The following PCDHA12 variants were observed in gnomAD, a reference collection of about 807,000 sequenced individuals.
The protein encoded by PCDHA12 is protocadherin alpha-12.
Under a neutral mutation model 60.0 loss-of-function variants are expected in PCDHA12, and 44 were observed. That is an observed-to-expected ratio of 0.73 (90% CI 0.58 to 0.94). The LOEUF (loss-of-function observed/expected upper bound fraction) is 0.94, where lower values mean the gene tolerates loss of function less well. Among genes scored for constraint, PCDHA12 ranks in the 40% least tolerant of loss-of-function variants. The pLI is 0.00. For synonymous variants in PCDHA12, 569 were observed against 553.0 expected, an observed-to-expected ratio of 1.03 and a Z score of -0.40; for missense variants, 1,276 against 1,239.7, an observed-to-expected ratio of 1.03 and a Z score of -0.44.
At chr5:140,899,494 T>C (rs1387191802) in intron 1 of PCDHA12, among the ~76,000 whole-genome samples, 3 of 152,250 alleles carry the variant, frequency 2.0e-5, no homozygotes, top group Admixed American at 2.0e-4. Flanking sequence ...GGATTACATT[T>C]ATTGATTTGC....
rs542875982 is a variant in PCDHA12 at position 140,939,696 on chromosome 5, T to C, written c.2368-39253T>C. On this transcript the variant is annotated intron_variant, in intron 1 of 3. Coordinates refer to ENST00000398631, the MANE Select transcript of PCDHA12 (RefSeq NM_018903.4). Reference sequence around the variant, plus strand: ...TATGTATGTGTGTGTTGCTGGACATTATCATTTGTGAGATACATTTATATT... The same window carrying C: ...TATGTATGTGTGTGTTGCTGGACATCATCATTTGTGAGATACATTTATATT... Among the ~76,000 whole-genome samples the C allele has an allele frequency of 1.6e-4, 24 of 152,340 alleles. No homozygotes were observed. The East Asian group carries it at 2.7e-3, about 17-fold the overall frequency.
At chr5:140,935,908 T>TG (rs2090628873) in intron 1 of PCDHA12, among the ~76,000 whole-genome samples, 1 of 151,636 alleles carries the variant, frequency 6.6e-6, no homozygotes, top group Non-Finnish European at 1.5e-5. Context: ...TTTTTTTTTT[T>TG]TTGAGACAGA....
intron 1 of PCDHA12, among the ~76,000 whole-genome samples, chr5:140,976,091 C>CAACTTTTCAA (rs2096700073): frequency 6.6e-6 from 1 of 152,166 alleles, no homozygotes; most frequent in Non-Finnish European, 1.5e-5. Flanking sequence ...TATCAGTAGT[C>CAACTTTTCAA]AACTTTTCAA....
chr5:140,929,549 T>G, intron 1 of PCDHA12: 1 of 500,966 alleles, frequency 2.0e-6, no homozygotes, highest in Non-Finnish European at 3.3e-6. Context: ...GGGCAAAAAT[T>G]AAAACCTATT....
chr5:140,876,349 T>G lies in PCDHA12; in HGVS notation c.877T>G (p.Phe293Val), dbSNP rs781967314. Residue 293 changes from phenylalanine to valine, a missense_variant, in exon 1 of 4, where the codon TTT (phenylalanine) becomes GTT (valine). Transcript: ENST00000398631. ...MILPVSEKCM[F>V]SINPDTGEIR... is the part of the protein sequence containing the mutation. ...TTTGCCAGTGAGTGAGAAATGTATG[T>G]TTTCAATAAATCCAGACACAGGTGA... The G allele has an allele frequency of 3.2e-5, 52 of 1,613,894 alleles. No homozygotes were observed. In the South Asian group the frequency reaches 5.1e-4, roughly 16 times the overall value.
chr5:140,877,224 G>C lies in PCDHA12; in HGVS notation c.1752G>C (p.Ser584=), dbSNP rs986695805. The C allele has an allele frequency of 3.7e-6, 6 of 1,613,712 alleles. No individual in the cohort carries two copies. The highest frequency in any genetic ancestry group is 1.7e-5 in the Admixed American group (1 of 59,998). ...CAGTTAGCGAGTTGGTACCGCGGTC[G>C]GTGGGTGCGGGCCACGTGGTGGCGA... ...GGAVSELVPR[S]VGAGHVVAKV... is the part of the protein sequence containing the mutation. Residue 584 remains serine (S), a synonymous_variant, in exon 1 of 4, where the codon TCG becomes TCC. Transcript: ENST00000398631.
intron 1 of PCDHA12, among the ~76,000 whole-genome samples, chr5:140,963,504 G>T (rs1044640224): frequency 4.6e-5 from 7 of 152,222 alleles, no homozygotes; most frequent in Admixed American, 1.3e-4. Flanking sequence ...CAAATCTCTT[G>T]AAGGGGTTCT....
intron 1 of PCDHA12, among the ~76,000 whole-genome samples, chr5:140,908,412 T>G (rs2073956005): frequency 6.6e-6 from 1 of 152,212 alleles, no homozygotes; most frequent in South Asian, 2.1e-4. Context: ...TTCCATTTGA[T>G]GATGGAATGC....
chr5:140,946,611 A>AATATATATATATATATATATATAT (rs1554217734), intron 1 of PCDHA12, among the ~76,000 whole-genome samples: 1,222 of 86,096 alleles, frequency 0.014, 42 homozygotes, highest in African/African-American at 0.029. Context: ...GAAAATGTGA[A>AATATATATATATATATATATATAT]ATATATATAT....
chr5:140,991,433 T>G (rs1441155854), intron 3 of PCDHA12, among the ~76,000 whole-genome samples: 1 of 152,194 alleles, frequency 6.6e-6, no homozygotes, highest in Non-Finnish European at 1.5e-5. Context: ...AACCATAAAC[T>G]TCATGGCTTA....
intron 1 of PCDHA12, chr5:140,926,614 C>G: frequency 2.6e-6 from 1 of 377,760 alleles, no homozygotes; most frequent in Non-Finnish European, 4.6e-6. Flanking sequence ...TCTCTGCACC[C>G]CTAGGCGGCG....
intron 1 of PCDHA12, chr5:140,967,826 G>A (rs782046643): frequency 1.2e-6 from 2 of 1,614,168 alleles, no homozygotes; most frequent in East Asian, 4.5e-5. Context: ...GGTGCTGGTG[G>A]ACATCGTGGA....
At chr5:140,995,317 C>T (rs1554254587) in intron 3 of PCDHA12, among the ~76,000 whole-genome samples, 1 of 152,118 alleles carries the variant, frequency 6.6e-6, no homozygotes, top group Non-Finnish European at 1.5e-5. Flanking sequence ...TCTAAGTGAA[C>T]TAACAGGTGA....
At chr5:140,973,040 T>G (rs529820612) in intron 1 of PCDHA12, among the ~76,000 whole-genome samples, 23 of 152,264 alleles carry the variant, frequency 1.5e-4, no homozygotes, top group African/African-American at 5.5e-4. Flanking sequence ...CTTTGAGTAC[T>G]CTAGTAGATT....
rs782787124 is a variant in PCDHA12, at chr5:140,875,662, T to C, written c.190T>C (p.Phe64Leu). 32 of 1,613,752 alleles carry C rather than the reference T, an allele frequency of 2.0e-5. No individual in the cohort carries two copies. Among genetic ancestry groups the C allele is most frequent in the Non-Finnish European group, 2.6e-5 (31 of 1,179,990 alleles). ...LELAELVPRL[F>L]RVASKRHGDL... Reference sequence around the variant, plus strand: ...GCTGGCGGAGCTGGTGCCGCGCCTGTTCCGGGTGGCGTCCAAAAGACACGG... The same window carrying C: ...GCTGGCGGAGCTGGTGCCGCGCCTGCTCCGGGTGGCGTCCAAAAGACACGG... The change falls in exon 1 of 4, where the codon TTC becomes CTC. Residue 64 changes from phenylalanine to leucine, a missense_variant. Coordinates refer to ENST00000398631, the MANE Select transcript of PCDHA12 (RefSeq NM_018903.4).
At chr5:140,904,443 A>G (rs1345999576) in intron 1 of PCDHA12, among the ~76,000 whole-genome samples, 8 of 151,082 alleles carry the variant, frequency 5.3e-5, no homozygotes, top group African/African-American at 1.5e-4. Flanking sequence ...GTATATTACA[A>G]TTTCTTTATA....
chr5:140,918,503 C>G (rs2078725431), intron 1 of PCDHA12, among the ~76,000 whole-genome samples: 1 of 152,056 alleles, frequency 6.6e-6, no homozygotes, highest in Non-Finnish European at 1.5e-5. Flanking sequence ...GGTACCAATC[C>G]TTTTAAACTT....
intron 1 of PCDHA12, among the ~76,000 whole-genome samples, chr5:140,933,393 C>G (rs1419190705): frequency 2.6e-5 from 4 of 151,956 alleles, no homozygotes; most frequent in Admixed American, 1.3e-4. Context: ...CTAGAGCCAT[C>G]TGGTTACCAT....
At chr5:140,940,940 G>T (rs187772223) in intron 1 of PCDHA12, among the ~76,000 whole-genome samples, 1 of 152,254 alleles carries the variant, frequency 6.6e-6, no homozygotes, top group Non-Finnish European at 1.5e-5. Context: ...CTTAGACTAC[G>T]TATTCTCAGA....
Sources: gnomAD v4.1 joint callset for allele counts (sites outside exome capture counted in the v4.1 genomes callset) on GRCh38, gnomAD v4.1.1 for gene constraint, MANE v1.5 for transcripts, NCBI Gene and HGNC (gene_info 2026-07-23, HGNC 2026-07-21) for gene names.